RIT2: variants seen among roughly 807,000 people sequenced by gnomAD.
The protein encoded by RIT2 is Ras like without CAAX 2, also known as GTP-binding protein Rit2.
RIT2 carries 24 observed loss-of-function variants against 23.7 expected under a neutral mutation model. That is an observed-to-expected ratio of 1.01 (90% confidence interval 0.73 to 1.43). The LOEUF (loss-of-function observed/expected upper bound fraction) is 1.43. Among genes scored for constraint, RIT2 ranks in the 40% most tolerant of loss-of-function variants. The probability of loss-of-function intolerance (pLI) is 0.00; values close to 1 mark genes in which losing one functional copy is unlikely to be tolerated. For missense variants in RIT2, 236 were observed against 266.9 expected, an observed-to-expected ratio of 0.88 and a Z score of 0.81; for synonymous variants, 107 against 91.1, an observed-to-expected ratio of 1.17 and a Z score of -0.99.
chr18:43,082,810 GA>G (rs1412373153), intron 1 of RIT2, among the ~76,000 whole-genome samples: 2 of 152,062 alleles, frequency 1.3e-5, no homozygotes, highest in Non-Finnish European at 2.9e-5. Flanking sequence ...CATTCCCTTT[GA>G]AAACAGGCAC....
intron 2 of RIT2, among the ~76,000 whole-genome samples, chr18:42,992,585 G>A (rs531805506): frequency 1.3e-5 from 2 of 151,868 alleles, no homozygotes; most frequent in Non-Finnish European, 2.9e-5. Flanking sequence ...AGCCTCCTCC[G>A]ATCCTCCACC....
At chr18:42,997,698 C>A (rs1034253194) in intron 2 of RIT2, among the ~76,000 whole-genome samples, 1 of 152,038 alleles carries the variant, frequency 6.6e-6, no homozygotes, top group Non-Finnish European at 1.5e-5. Context: ...AAAAAAATCA[C>A]GTCTCTCACA....
rs145300696 is a variant in RIT2, at chr18:42,858,112, C to T, written c.426+65460G>A. Among the ~76,000 whole-genome samples, 1,378 of 152,198 alleles carry T rather than the reference C, an allele frequency of 9.1e-3. 8 individuals carry two copies. Among genetic ancestry groups the T allele is most frequent in the Non-Finnish European group, 0.015 (1,022 of 68,008 alleles). On this transcript the variant is annotated intron_variant, in intron 4 of 4. Transcript: ENST00000326695. Reference sequence around the variant, plus strand: ...AGGAGAATTGCTTGAACCCAGGAGGCGGAGGTTGCAGTGAGCCAAGATTGA... The same window carrying T: ...AGGAGAATTGCTTGAACCCAGGAGGTGGAGGTTGCAGTGAGCCAAGATTGA...
intron 2 of RIT2, among the ~76,000 whole-genome samples, chr18:42,974,746 A>C (rs1385290607): frequency 6.6e-6 from 1 of 152,100 alleles, no homozygotes; most frequent in Non-Finnish European, 1.5e-5. Flanking sequence ...CAAAAATAAG[A>C]TATGTTTCTA....
At position 42,956,540 on chromosome 18, in the gene RIT2, G is replaced by T. The variant is rs189219090; in HGVS notation, c.234+17534C>A. ...CCATTTCGTCGGTTTGAGAGACGGT[G>T]AATCTAATCACAGATTGATCTTATT... On this transcript the variant is annotated intron_variant, in intron 3 of 4. Coordinates refer to ENST00000326695, the MANE Select transcript of RIT2 (RefSeq NM_002930.4). Among the ~76,000 whole-genome samples, 509 of 152,230 alleles carry T rather than the reference G, an allele frequency of 3.3e-3. 2 individuals carry two copies. Among genetic ancestry groups the T allele is most frequent in the Non-Finnish European group, 1.9e-3 (128 of 68,018 alleles).
intron 4 of RIT2, among the ~76,000 whole-genome samples, chr18:42,756,805 T>G (rs1400256327): frequency 6.6e-6 from 1 of 152,150 alleles, no homozygotes; most frequent in Non-Finnish European, 1.5e-5. Flanking sequence ...ATTTTCCATT[T>G]TAACATGGCC....
At chr18:42,873,965 T>C (rs1907684097) in intron 4 of RIT2, among the ~76,000 whole-genome samples, 1 of 152,118 alleles carries the variant, frequency 6.6e-6, no homozygotes, top group Non-Finnish European at 1.5e-5. Flanking sequence ...TTGCTAATAA[T>C]TCCTGAGTTT....
In RIT2 at chr18:42,980,427, A is replaced by T. The variant is rs1487242908; in HGVS notation, c.161-6280T>A. ...ACCCCACTAGCATCTATTTATATAG[A>T]TGGAATCTCCCTAGTATCAGAGGGA... On this transcript the variant is annotated intron_variant, in intron 2 of 4. Transcript: ENST00000326695. Among the ~76,000 whole-genome samples the T allele has an allele frequency of 4.6e-5, 7 of 152,192 alleles. No homozygotes were observed. In the East Asian group the frequency reaches 1.4e-3, roughly 30 times the overall value.
chr18:43,071,942 C>T (rs972706396), intron 1 of RIT2, among the ~76,000 whole-genome samples: 1 of 151,842 alleles, frequency 6.6e-6, no homozygotes, highest in Non-Finnish European at 1.5e-5. Flanking sequence ...TATCAGTTTT[C>T]AGAAAATTCA....
chr18:42,794,556 A>C (rs555495056), intron 4 of RIT2, among the ~76,000 whole-genome samples: 1 of 152,250 alleles, frequency 6.6e-6, no homozygotes, highest in African/African-American at 2.4e-5. Context: ...ACATGAGCTT[A>C]CATTTTTTAA....
intron 4 of RIT2, among the ~76,000 whole-genome samples, chr18:42,847,719 T>C (rs1906947719): frequency 6.6e-6 from 1 of 151,948 alleles, no homozygotes; most frequent in African/African-American, 2.4e-5. Context: ...ATGTTCTAGG[T>C]AGGCCTTTGG....
intron 1 of RIT2, among the ~76,000 whole-genome samples, chr18:43,060,766 T>C (rs1598766462): frequency 1.3e-5 from 2 of 152,160 alleles, no homozygotes; most frequent in African/African-American, 4.8e-5. Flanking sequence ...CTGGTGTACA[T>C]AGGAGAAAAC....
intron 4 of RIT2, among the ~76,000 whole-genome samples, chr18:42,831,771 A>G (rs1432757292): frequency 6.6e-6 from 1 of 152,214 alleles, no homozygotes; most frequent in Non-Finnish European, 1.5e-5. Flanking sequence ...TGTTCAAGTA[A>G]GATGACTATT....
intron 4 of RIT2, among the ~76,000 whole-genome samples, chr18:42,810,143 T>A (rs1363332563): frequency 6.7e-6 from 1 of 149,708 alleles, no homozygotes; most frequent in East Asian, 2.0e-4. Flanking sequence ...AATCCCAAAA[T>A]CCCGAGAATA....
At chr18:42,894,233 A>G (rs1908261244) in intron 4 of RIT2, among the ~76,000 whole-genome samples, 1 of 152,212 alleles carries the variant, frequency 6.6e-6, no homozygotes, top group African/African-American at 2.4e-5. Flanking sequence ...CAGCTGGTGA[A>G]ACAAAAAGAT....
chr18:42,827,830 C>T (rs180873527), intron 4 of RIT2, among the ~76,000 whole-genome samples: 1 of 151,624 alleles, frequency 6.6e-6, no homozygotes. Flanking sequence ...ACGGTGAAAC[C>T]CCGTCTCTAC....
chr18:42,880,404 T>C (rs1015172276), intron 4 of RIT2, among the ~76,000 whole-genome samples: 9 of 152,190 alleles, frequency 5.9e-5, no homozygotes, highest in Non-Finnish European at 1.3e-4. Flanking sequence ...TTAATGGGGT[T>C]TCAAGAGAGT....
intron 1 of RIT2, among the ~76,000 whole-genome samples, chr18:43,090,973 A>T (rs1831217512): frequency 1.3e-5 from 2 of 151,994 alleles, no homozygotes; most frequent in South Asian, 4.1e-4. Flanking sequence ...AACCCCCATG[A>T]CACAAGTTTA....
chr18:42,794,256 G>A lies in RIT2; in HGVS notation c.427-50536C>T, dbSNP rs756850386. Reference sequence around the variant, plus strand: ...CAGAACTTCCCCAGGCATAAAGAATGCAATGTTGTAGCAATGTTGTAGCCA... The same window carrying A: ...CAGAACTTCCCCAGGCATAAAGAATACAATGTTGTAGCAATGTTGTAGCCA... On this transcript the variant is annotated intron_variant, in intron 4 of 4. Transcript: ENST00000326695. 2.7e-4 allele frequency among the ~76,000 whole-genome samples: 41 copies of A among 152,130 alleles called. 1 individual carries two copies. Among genetic ancestry groups the A allele is most frequent in the Non-Finnish European group, 7.4e-5 (5 of 68,022 alleles).
Sources: gnomAD v4.1 joint callset for allele counts (sites outside exome capture counted in the v4.1 genomes callset) on GRCh38, gnomAD v4.1.1 for gene constraint, MANE v1.5 for transcripts, NCBI Gene and HGNC (gene_info 2026-07-23, HGNC 2026-07-21) for gene names.